KISS1: variants seen among roughly 807,000 people sequenced by gnomAD.
KISS1 encodes the protein KiSS-1 metastasis suppressor.
For synonymous variants in KISS1, 97 were observed against 88.7 expected, an observed-to-expected ratio of 1.09 and a Z score of -0.52; for missense variants, 182 against 182.7, an observed-to-expected ratio of 1.00 and a Z score of 0.02.
intron 2 of KISS1, 142 bp from the exon 3 acceptor site, chr1:204,190,939 T>A (rs1228601151): frequency 8.9e-6 from 6 of 676,670 alleles, no homozygotes; most frequent in African/African-American, 1.8e-5. Context: ...ACCAGCACGA[T>A]CACCTTAGCT....
intron 1 of KISS1, among the ~76,000 whole-genome samples, chr1:204,195,867 C>G (rs1346423220): frequency 6.6e-6 from 1 of 152,138 alleles, no homozygotes; most frequent in African/African-American, 2.4e-5. Flanking sequence ...TTCCCTCCAC[C>G]CTGGGGGGTT....
In KISS1 at chr1:204,190,633, G is replaced by T. The variant is rs201073751; in HGVS notation, c.268C>A (p.His90Asn). 2.9e-5 allele frequency: 46 copies of T among 1,584,488 alleles called. No homozygotes were observed. Among genetic ancestry groups the T allele is most frequent in the Admixed American group, 1.4e-4 (8 of 55,798 alleles). The change falls in exon 3 of 3, where the codon CAC becomes AAC. Residue 90 changes from histidine (H) to asparagine (N), a missense_variant. His to Asn is a moderately conservative substitution (Grantham distance 68). Transcript: ENST00000367194. ...TGGGGTGCGGGGATCTGGCGGCTGTGGGGGGCGGACAGGCCCGGCTGCTGG... is the reference window on the plus strand; with the variant it reads ...TGGGGTGCGGGGATCTGGCGGCTGTTGGGGGCGGACAGGCCCGGCTGCTGG... ...SPQQPGLSAP[H>N]SRQIPAPQGA...
chr1:204,192,759 C>G lies in KISS1; in HGVS notation c.103+15G>C, dbSNP rs747971298. 1.9e-6 allele frequency: 3 copies of G among 1,540,130 alleles called. No individual in the cohort carries two copies. The East Asian group carries it at 6.8e-5, about 35-fold the overall frequency. ...CACTTGCTCCCTCCCACTCCTTTCC[C>G]CAGAGGATACATACCTGTGGGTCTA... On this transcript the variant is annotated intron_variant, in intron 2 of 2. Coordinates refer to ENST00000367194, the MANE Select transcript of KISS1 (RefSeq NM_002256.4). This position sits in a 1 kb window ranked among gnomAD's most constrained non-coding sequence, Gnocchi z 4.2.
rs748737279 is a variant in KISS1 at position 204,192,801 on chromosome 1, C to T, written c.76G>A (p.Ala26Thr). The stretch of plus-strand genomic sequence containing the variant: ...GTGGGTCTAGAATTCCCCACAGAGG[C>T]CACCTTTTCTAATGGCTCCCCAAAG... ...THFGEPLEKV[A>T]SVGNSRPTGQ... The change falls in exon 2 of 3, where the codon GCC becomes ACC. Residue 26 changes from alanine to threonine, a missense_variant. By Grantham distance (58) the Ala-to-Thr change is moderately conservative (BLOSUM62 0). Coordinates refer to ENST00000367194, the MANE Select transcript of KISS1 (RefSeq NM_002256.4). This position sits in a 1 kb window ranked among gnomAD's most constrained non-coding sequence, Gnocchi z 4.2. 55 of 1,598,910 alleles carry T rather than the reference C, an allele frequency of 3.4e-5. No individual in the cohort carries two copies. Among genetic ancestry groups the T allele is most frequent in the Non-Finnish European group, 2.3e-5 (27 of 1,170,984 alleles).
chr1:204,193,045 A>G (rs1264489823), intron 1 of KISS1, 131 bp from the exon 2 acceptor site: 2 of 677,164 alleles, frequency 3.0e-6, no homozygotes, highest in Non-Finnish European at 5.4e-6. Flanking sequence ...GGCTCCTGGT[A>G]GAGGGATGAG....
At chr1:204,191,161 T>G (rs576560538) in intron 2 of KISS1, among the ~76,000 whole-genome samples, 1 of 152,336 alleles carries the variant, frequency 6.6e-6, no homozygotes, top group South Asian at 2.1e-4. Flanking sequence ...TGGGGCCATG[T>G]TAATTCATCT....
rs1160160081 is a variant in KISS1, at chr1:204,192,985, A to G, written c.-38-71T>C. The G allele has an allele frequency of 5.1e-6, 4 of 777,726 alleles. No individual in the cohort carries two copies. Among genetic ancestry groups the G allele is most frequent in the Non-Finnish European group, 8.9e-6 (4 of 450,890 alleles). 48.2% of individuals were successfully genotyped at this position (777,726 alleles called of 1,614,324 possible). ...GGGCTGGGTGCTGAGGGCAGAGCCC[A>G]GTGCAAAAGGGACAGTCCTCCAAGA... On this transcript the variant is annotated intron_variant, in intron 1 of 2. Coordinates refer to ENST00000367194, the MANE Select transcript of KISS1 (RefSeq NM_002256.4). This position sits in a 1 kb window ranked among gnomAD's most constrained non-coding sequence, Gnocchi z 4.2.
chr1:204,193,487 T>C (rs548705137), intron 1 of KISS1, among the ~76,000 whole-genome samples: 25 of 152,328 alleles, frequency 1.6e-4, no homozygotes, highest in African/African-American at 6.0e-4. Flanking sequence ...GAGTCTGACC[T>C]TGTTCTCTCC....
intron 1 of KISS1, among the ~76,000 whole-genome samples, chr1:204,193,720 CTCA>C (rs1239744068): frequency 1.3e-5 from 2 of 152,046 alleles, no homozygotes; most frequent in African/African-American, 4.8e-5. Flanking sequence ...TTGAATTGGC[CTCA>C]TCATTTTGGC....
At chr1:204,195,034 G>A (rs1313989764) in intron 1 of KISS1, among the ~76,000 whole-genome samples, 4 of 151,728 alleles carry the variant, frequency 2.6e-5, no homozygotes, top group African/African-American at 7.3e-5. Flanking sequence ...TTGGAGGGTG[G>A]TACTCTTTCT....
rs755384119 is a variant in KISS1, at chr1:204,190,649, C to G, written c.252G>C (p.Pro84=). ...PPESSGSPQQ[P]GLSAPHSRQI... is the part of the protein sequence containing the mutation. ...GGCGGCTGTGGGGGGCGGACAGGCC[C>G]GGCTGCTGGGGGCTCCCGGAGCTCT... The change falls in exon 3 of 3, where the codon CCG becomes CCC. Residue 84 remains proline (P), a synonymous_variant. Coordinates refer to ENST00000367194, the MANE Select transcript of KISS1 (RefSeq NM_002256.4). The G allele has an allele frequency of 1.9e-6, 3 of 1,584,106 alleles. No individual in the cohort carries two copies. The highest frequency in any genetic ancestry group is 1.8e-5 in the Admixed American group (1 of 55,468).
In KISS1 at chr1:204,190,542, C is replaced by G; in HGVS notation, c.359G>C (p.Arg120Pro). ...TGGTGCCGCCTCCCGCTTGCCGAAG[C>G]GCAGGCCGAAGGAGTTCCAGTTGTA... Reference protein sequence around the residue: ...PNYNWNSFGLRFGKREAAPGN... With the variant: ...PNYNWNSFGLPFGKREAAPGN... Residue 120 changes from arginine to proline, a missense_variant, in exon 3 of 3, where the codon CGC becomes CCC. Coordinates refer to ENST00000367194, the MANE Select transcript of KISS1 (RefSeq NM_002256.4). The G allele has an allele frequency of 6.2e-7, 1 of 1,609,112 alleles. No individual in the cohort carries two copies. The highest frequency in any genetic ancestry group is 8.5e-7 in the Non-Finnish European group (1 of 1,178,448).
chr1:204,195,148 C>CA (rs1658813404), intron 1 of KISS1, among the ~76,000 whole-genome samples: 2 of 136,324 alleles, frequency 1.5e-5, no homozygotes, highest in African/African-American at 2.8e-5. Context: ...ACACACACAC[C>CA]CCCCACACCA....
intron 1 of KISS1, among the ~76,000 whole-genome samples, chr1:204,193,814 A>G (rs2102329730): frequency 6.6e-6 from 1 of 152,096 alleles, no homozygotes; most frequent in East Asian, 1.9e-4. Flanking sequence ...GACACCCCAC[A>G]TACCCCACCC....
chr1:204,194,503 G>C (rs1658800596), intron 1 of KISS1, among the ~76,000 whole-genome samples: 1 of 152,250 alleles, frequency 6.6e-6, no homozygotes, highest in African/African-American at 2.4e-5. Flanking sequence ...CCGACTAGGT[G>C]CTGGTGCTGT....
Position 204,190,409 on chromosome 1 carries a change from T to TTTCC in KISS1, c.*74_*75insGGAA. The TTTCC allele has an allele frequency of 1.8e-6, 1 of 570,138 alleles. No homozygotes were observed. The allele number at this position is 570,138 out of a possible 1,614,324, so 35.3% of individuals were successfully genotyped here. On this transcript the variant is annotated 3_prime_UTR_variant, in exon 3 of 3. Transcript: ENST00000367194. ...CAGCGCCCCCTCCCTTAGCCCTACG[T>TTTCC]CCCCGCCCCCCGCCCCCGCCCCGCA...
At position 204,190,408 on chromosome 1, in the gene KISS1, G is replaced by GTT; in HGVS notation, c.*75_*76insAA. The GTT allele has an allele frequency of 3.5e-5, 27 of 762,786 alleles. No individual in the cohort carries two copies. Among genetic ancestry groups the GTT allele is most frequent in the African/African-American group, 1.1e-4 (4 of 35,500 alleles). 47.3% of individuals were successfully genotyped at this position (762,786 alleles called of 1,614,324 possible). On this transcript the variant is annotated 3_prime_UTR_variant, in exon 3 of 3. Coordinates refer to ENST00000367194, the MANE Select transcript of KISS1 (RefSeq NM_002256.4). Reference sequence around the variant, plus strand: ...CCAGCGCCCCCTCCCTTAGCCCTACGTCCCCGCCCCCCGCCCCCGCCCCGC... The same window carrying GTT: ...CCAGCGCCCCCTCCCTTAGCCCTACGTTTCCCCGCCCCCCGCCCCCGCCCCGC...
At chr1:204,191,455 C>T (rs533869266) in intron 2 of KISS1, among the ~76,000 whole-genome samples, 1 of 149,096 alleles carries the variant, frequency 6.7e-6, no homozygotes. Flanking sequence ...GGTATAACTT[C>T]TCTCCTTCAT....
At chr1:204,194,524 AG>A (rs1230831900) in intron 1 of KISS1, among the ~76,000 whole-genome samples, 1 of 152,218 alleles carries the variant, frequency 6.6e-6, no homozygotes, top group Non-Finnish European at 1.5e-5. Context: ...GCTAGGTGCT[AG>A]GGGTGCACAG....
Sources: allele counts gnomAD v4.1 joint callset (sites outside exome capture counted in the v4.1 genomes callset), GRCh38; gene constraint gnomAD v4.1.1; non-coding constraint Gnocchi (gnomAD v3.1); transcripts MANE v1.5; gene names NCBI Gene and HGNC (gene_info 2026-07-23, HGNC 2026-07-21).